Variants in PARD3 observed in about 807,000 individuals in gnomAD.
The protein encoded by PARD3 is par-3 family cell polarity regulator.
In PARD3, 75 loss-of-function variants were observed where a neutral mutation model predicts 155.4. The observed-to-expected ratio is 0.48, with a 90% confidence interval of 0.40 to 0.58. PARD3 has a LOEUF of 0.58. Among genes scored for constraint, PARD3 ranks in the 20% least tolerant of loss-of-function variants. The pLI is 0.00. For missense variants in PARD3, 1,642 were observed against 1,721.7 expected (o/e 0.95, Z 0.82); for synonymous variants, 576 against 610.5 (o/e 0.94, Z 0.83).
intron 18 of PARD3, among the ~76,000 whole-genome samples, chr10:34,332,349 C>G (rs1225688932): frequency 6.6e-6 from 1 of 152,096 alleles, no homozygotes; most frequent in East Asian, 1.9e-4. Context: ...GAAATACCAG[C>G]TCTGCACCAC....
chr10:34,370,807 G>GGTGTGTGT (rs3040369), intron 12 of PARD3, among the ~76,000 whole-genome samples: 195 of 145,658 alleles, frequency 1.3e-3, no homozygotes, highest in African/African-American at 4.6e-3. Context: ...ATACAAATGG[G>GGTGTGTGT]GTGTGTGTGT....
In PARD3 at chr10:34,382,609, T is replaced by C. The variant is rs1028643854; in HGVS notation, c.1330A>G (p.Ser444Gly). ...APASAPQNVF[S>G]TTVSSGYNTK... ...TTATAACCACTGCTTACAGTCGTAC[T>C]AAATACATTCTGAGGTGCCGAGGCT... The change falls in exon 9 of 25, where the codon AGT becomes GGT. Residue 444 changes from serine to glycine, a missense_variant. Transcript: ENST00000374788. 2 of 1,614,078 alleles carry C rather than the reference T, an allele frequency of 1.2e-6. No homozygotes were observed. Among genetic ancestry groups the C allele is most frequent in the Non-Finnish European group, 1.7e-6 (2 of 1,180,028 alleles).
intron 22 of PARD3, among the ~76,000 whole-genome samples, chr10:34,226,956 T>A (rs781566375): frequency 6.6e-6 from 1 of 152,212 alleles, no homozygotes; most frequent in Non-Finnish European, 1.5e-5. Context: ...AGAATCCACA[T>A]GCATGGCAAA....
intron 1 of PARD3, among the ~76,000 whole-genome samples, chr10:34,803,270 T>C (rs1177144835): frequency 2.0e-5 from 3 of 147,426 alleles, no homozygotes; most frequent in African/African-American, 5.0e-5. Context: ...AAAAAAAAAA[T>C]AGAAGGCAGG....
intron 22 of PARD3, among the ~76,000 whole-genome samples, chr10:34,223,230 A>C (rs1368812299): frequency 6.6e-6 from 1 of 152,158 alleles, no homozygotes; most frequent in African/African-American, 2.4e-5. Flanking sequence ...AGGATGTTAC[A>C]CAAGACAACT....
intron 1 of PARD3, among the ~76,000 whole-genome samples, chr10:34,707,601 T>C (rs1462996548): frequency 2.0e-5 from 3 of 152,214 alleles, no homozygotes; most frequent in African/African-American, 7.2e-5. Context: ...TTCTATACAC[T>C]ACGTTTTAGC....
At chr10:34,612,587 T>C (rs1427956708) in intron 2 of PARD3, among the ~76,000 whole-genome samples, 1 of 152,244 alleles carries the variant, frequency 6.6e-6, no homozygotes, top group Non-Finnish European at 1.5e-5. Flanking sequence ...TTCACCCAAC[T>C]TTGGCAAAGC....
chr10:34,626,227 A>G (rs939361437), intron 2 of PARD3, among the ~76,000 whole-genome samples: 6 of 152,228 alleles, frequency 3.9e-5, no homozygotes, highest in Non-Finnish European at 8.8e-5. Context: ...GACCAAGAGA[A>G]GAGCAGACTC....
intron 3 of PARD3, among the ~76,000 whole-genome samples, chr10:34,487,341 C>T (rs2079545180): frequency 6.6e-6 from 1 of 151,494 alleles, no homozygotes; most frequent in South Asian, 2.1e-4. Context: ...TGATTCTACC[C>T]CCAGTTTTTA....
At chr10:34,480,961 C>G (rs1263224788) in intron 3 of PARD3, among the ~76,000 whole-genome samples, 3 of 151,852 alleles carry the variant, frequency 2.0e-5, no homozygotes, top group Non-Finnish European at 1.5e-5. Flanking sequence ...GCCACCACAT[C>G]TGCATAATTT....
At chr10:34,486,182 T>C (rs1474202673) in intron 3 of PARD3, among the ~76,000 whole-genome samples, 1 of 152,082 alleles carries the variant, frequency 6.6e-6, no homozygotes, top group Non-Finnish European at 1.5e-5. Context: ...CCTCCCAAAG[T>C]GTTGGGATTA....
At chr10:34,166,658 C>T (rs1472046809) in intron 22 of PARD3, among the ~76,000 whole-genome samples, 1 of 151,896 alleles carries the variant, frequency 6.6e-6, no homozygotes, top group Non-Finnish European at 1.5e-5. Flanking sequence ...AAGGACTCTA[C>T]ACCCATGTAC....
rs111929313 is a variant in PARD3, at chr10:34,664,259, G to A, written c.222+32059C>T. Among the ~76,000 whole-genome samples, 554 of 152,300 alleles carry A rather than the reference G, an allele frequency of 3.6e-3. 1 individual carries two copies. Among genetic ancestry groups the A allele is most frequent in the African/African-American group, 0.012 (513 of 41,548 alleles). The stretch of plus-strand genomic sequence containing the variant: ...GAACTGTTGCCCAGGCTGGAGTGCA[G>A]TAGCGTGATCTCGGCTCACTGCAAC... On this transcript the variant is annotated intron_variant, in intron 2 of 24. Coordinates refer to ENST00000374788, the MANE Select transcript of PARD3 (RefSeq NM_001184785.2).
intron 4 of PARD3, among the ~76,000 whole-genome samples, chr10:34,468,247 C>T (rs1046723168): frequency 2.0e-5 from 3 of 152,162 alleles, no homozygotes; most frequent in Non-Finnish European, 4.4e-5. Flanking sequence ...CAAACCCTTC[C>T]AGTGATTTTG....
At chr10:34,562,419 G>C (rs778802064) in intron 2 of PARD3, among the ~76,000 whole-genome samples, 4 of 152,008 alleles carry the variant, frequency 2.6e-5, no homozygotes, top group Non-Finnish European at 5.9e-5. Context: ...CCTGGCGACA[G>C]AGTAAGACTC....
chr10:34,265,407 C>T (rs1449541570), intron 22 of PARD3, among the ~76,000 whole-genome samples: 1 of 152,152 alleles, frequency 6.6e-6, no homozygotes, highest in Non-Finnish European at 1.5e-5. Context: ...ACTATAAGAT[C>T]AATTAAAATG....
At chr10:34,135,096 C>A (rs955324545) in intron 22 of PARD3, among the ~76,000 whole-genome samples, 5 of 152,090 alleles carry the variant, frequency 3.3e-5, no homozygotes, top group African/African-American at 1.2e-4. Context: ...CCAAGTTGAT[C>A]AGATGGGTGA....
intron 22 of PARD3, among the ~76,000 whole-genome samples, chr10:34,218,662 C>T (rs1438428991): frequency 1.3e-5 from 2 of 151,724 alleles, no homozygotes; most frequent in East Asian, 1.9e-4. Context: ...AAGGTCGTGA[C>T]AGCAATGAAG....
chr10:34,502,175 C>A (rs750254759), intron 3 of PARD3, among the ~76,000 whole-genome samples: 3 of 152,168 alleles, frequency 2.0e-5, no homozygotes, highest in Non-Finnish European at 4.4e-5. Flanking sequence ...CCTGAATGGA[C>A]TTAGACAGTG....
Sources: gnomAD v4.1 joint callset for allele counts (sites outside exome capture counted in the v4.1 genomes callset) on GRCh38, gnomAD v4.1.1 for gene constraint, MANE v1.5 for transcripts, NCBI Gene and HGNC (gene_info 2026-07-23, HGNC 2026-07-21) for gene names.